PPP3CA: variants seen among roughly 807,000 people sequenced by gnomAD.
The protein encoded by PPP3CA is CAM-PRP catalytic subunit.
PPP3CA carries 14 observed loss-of-function variants against 66.5 expected under a neutral mutation model. The ratio of observed to expected loss-of-function variants is 0.21; its 90% confidence interval spans 0.14 to 0.33. The LOEUF is 0.33. Ranked by LOEUF, PPP3CA falls within the 10% of genes least tolerant of loss-of-function variation. The pLI, the probability that PPP3CA is intolerant of heterozygous loss-of-function variation, is 1.00. For missense variants in PPP3CA, 317 were observed against 639.5 expected (o/e 0.50, Z 5.44); for synonymous variants, 232 against 226.2 (o/e 1.03, Z -0.23).
At chr4:101,188,614 T>C (rs1027944668) in intron 2 of PPP3CA, among the ~76,000 whole-genome samples, 2 of 152,188 alleles carry the variant, frequency 1.3e-5, no homozygotes, top group Non-Finnish European at 2.9e-5. Context: ...TATAGTTTGC[T>C]ACATAGACCT....
intron 1 of PPP3CA, among the ~76,000 whole-genome samples, chr4:101,236,910 T>C (rs747934373): frequency 4.4e-4 from 67 of 151,686 alleles, no homozygotes; most frequent in South Asian, 8.3e-4. Context: ...ATGAAGACTC[T>C]AGATTTAGTA....
At chr4:101,110,845 G>GT (rs1189517304) in intron 2 of PPP3CA, among the ~76,000 whole-genome samples, 1 of 152,136 alleles carries the variant, frequency 6.6e-6, no homozygotes, top group Non-Finnish European at 1.5e-5. Context: ...ATGGATGCCA[G>GT]TACCTGCTCT....
intron 2 of PPP3CA, among the ~76,000 whole-genome samples, chr4:101,112,251 A>T (rs1227880388): frequency 6.6e-6 from 1 of 152,188 alleles, no homozygotes; most frequent in Admixed American, 6.6e-5. Flanking sequence ...TTGCTTAAGT[A>T]TAGAAGTACA....
At chr4:101,043,131 T>C (rs141168171) in intron 10 of PPP3CA, among the ~76,000 whole-genome samples, 30 of 152,144 alleles carry the variant, frequency 2.0e-4, no homozygotes, top group African/African-American at 7.0e-4. Context: ...AAAAGCAGCA[T>C]AGGAGTGGCT....
chr4:101,037,912 A>G (rs138058477), intron 11 of PPP3CA, among the ~76,000 whole-genome samples: 1 of 152,338 alleles, frequency 6.6e-6, no homozygotes, highest in East Asian at 1.9e-4. Flanking sequence ...GACTACTAGT[A>G]TTGCTAAGAA....
chr4:101,195,579 G>A (rs929674461), intron 2 of PPP3CA, among the ~76,000 whole-genome samples: 9 of 151,998 alleles, frequency 5.9e-5, no homozygotes, highest in Non-Finnish European at 1.0e-4. Context: ...TGGAAGTCTC[G>A]GGATACTTTG....
chr4:101,226,959 C>G lies in PPP3CA; in HGVS notation c.59-30843G>C, dbSNP rs74968656. On this transcript the variant is annotated intron_variant, in intron 1 of 13. Transcript: ENST00000394854. ...TTATTTTTTTATATGATGGACACGACGCAGTACTGCAGGTACAAATGTTTA... is the reference window on the plus strand; with the variant it reads ...TTATTTTTTTATATGATGGACACGAGGCAGTACTGCAGGTACAAATGTTTA... Among the ~76,000 whole-genome samples the G allele has an allele frequency of 7.3e-3, 1,107 of 151,796 alleles. 11 individuals carry two copies. The highest frequency in any genetic ancestry group is 0.026 in the African/African-American group (1,058 of 41,466).
chr4:101,089,285 A>G (rs1419995062), intron 6 of PPP3CA, among the ~76,000 whole-genome samples: 1 of 151,960 alleles, frequency 6.6e-6, no homozygotes, highest in Non-Finnish European at 1.5e-5. Flanking sequence ...AAGAGAAGGG[A>G]TCGCCCTGAC....
chr4:101,070,784 C>A (rs1056174296), intron 8 of PPP3CA, among the ~76,000 whole-genome samples: 7 of 152,090 alleles, frequency 4.6e-5, no homozygotes, highest in Non-Finnish European at 7.4e-5. Flanking sequence ...TACCTACATA[C>A]TAGGATCCAG....
chr4:101,083,346 G>A, intron 6 of PPP3CA, 83 bp from the exon 7 acceptor site: 1 of 1,178,002 alleles, frequency 8.5e-7, no homozygotes, highest in Non-Finnish European at 1.2e-6. Flanking sequence ...CCAGATCTAT[G>A]TGACTGGATC....
intron 8 of PPP3CA, among the ~76,000 whole-genome samples, chr4:101,079,996 G>C (rs1401322502): frequency 1.3e-5 from 2 of 152,194 alleles, no homozygotes; most frequent in African/African-American, 4.8e-5. Context: ...ATTAAAGAAG[G>C]AGGAGGTAGA....
At chr4:101,169,444 C>T (rs973048002) in intron 2 of PPP3CA, among the ~76,000 whole-genome samples, 11 of 152,136 alleles carry the variant, frequency 7.2e-5, no homozygotes, top group Non-Finnish European at 1.2e-4. Flanking sequence ...TGTCATGAGA[C>T]GTGTAGTGCA....
chr4:101,219,359 G>C (rs1375238147), intron 1 of PPP3CA, among the ~76,000 whole-genome samples: 2 of 151,872 alleles, frequency 1.3e-5, no homozygotes, highest in Non-Finnish European at 2.9e-5. Context: ...TAAAAGTAAA[G>C]CTCTAGTATA....
At chr4:101,029,040 A>T in intron 13 of PPP3CA, 126 bp downstream of exon 13, 3 of 810,400 alleles carry the variant, frequency 3.7e-6, no homozygotes, top group Non-Finnish European at 6.0e-6. Context: ...CATTTTGGTT[A>T]ATACTGAGCC....
At chr4:101,191,984 A>G (rs1297297947) in intron 2 of PPP3CA, among the ~76,000 whole-genome samples, 1 of 152,208 alleles carries the variant, frequency 6.6e-6, no homozygotes, top group Non-Finnish European at 1.5e-5. Flanking sequence ...CTGCCCAGAG[A>G]GCAGAACATG....
chr4:101,169,497 A>G (rs931236611), intron 2 of PPP3CA, among the ~76,000 whole-genome samples: 1 of 152,198 alleles, frequency 6.6e-6, no homozygotes, highest in African/African-American at 2.4e-5. Context: ...AGCATCAGTC[A>G]GACTCTGACT....
At chr4:101,034,801 T>G (rs1339093650) in intron 11 of PPP3CA, among the ~76,000 whole-genome samples, 1 of 152,218 alleles carries the variant, frequency 6.6e-6, no homozygotes, top group East Asian at 1.9e-4. Flanking sequence ...GTCAAACCAC[T>G]AGAGGTCCCA....
intron 8 of PPP3CA, among the ~76,000 whole-genome samples, chr4:101,079,789 AAT>A (rs1327217326): frequency 1.3e-5 from 2 of 152,250 alleles, no homozygotes. Context: ...GAAACAAGAT[AAT>A]AATGCACCCC....
chr4:101,237,390 A>C (rs559789189), intron 1 of PPP3CA, among the ~76,000 whole-genome samples: 1 of 152,000 alleles, frequency 6.6e-6, no homozygotes, highest in African/African-American at 2.4e-5. Context: ...TAGGCATTTC[A>C]GTTATTGAGT....
Sources: allele counts gnomAD v4.1 joint callset (sites outside exome capture counted in the v4.1 genomes callset), GRCh38; gene constraint gnomAD v4.1.1; transcripts MANE v1.5; gene names NCBI Gene and HGNC (gene_info 2026-07-23, HGNC 2026-07-21).